MSRA: variants seen among roughly 807,000 people sequenced by gnomAD.
MSRA encodes methionine sulfoxide reductase A, also known as mitochondrial peptide methionine sulfoxide reductase.
Under a neutral mutation model 31.3 loss-of-function variants are expected in MSRA, and 54 were observed. That is an observed-to-expected ratio of 1.73 (90% CI 1.39 to 2.17). The LOEUF is 2.17. Ranked by LOEUF, MSRA falls within the 30% of genes most tolerant of loss-of-function variation. The probability of loss-of-function intolerance (pLI) is 0.00; values close to 1 mark genes in which losing one functional copy is unlikely to be tolerated. For synonymous variants in MSRA, 169 were observed against 116.5 expected, an observed-to-expected ratio of 1.45 and a Z score of -2.90; for missense variants, 507 against 300.9, an observed-to-expected ratio of 1.69 and a Z score of -5.07.
At chr8:10,322,788 G>A (rs558563225) in intron 5 of MSRA, among the ~76,000 whole-genome samples, 24 of 152,266 alleles carry the variant, frequency 1.6e-4, no homozygotes, top group Non-Finnish European at 3.2e-4. Flanking sequence ...CTTGGGAAAA[G>A]TAATGAGATA....
At chr8:10,301,434 A>C in intron 3 of MSRA, 100 bp from the exon 4 acceptor site, 2 of 814,786 alleles carry the variant, frequency 2.5e-6, no homozygotes, top group South Asian at 1.6e-5. Flanking sequence ...TTCACAGGGT[A>C]GAGTTTCAGC....
chr8:10,275,080 A>G (rs965622512), intron 3 of MSRA, among the ~76,000 whole-genome samples: 2 of 147,914 alleles, frequency 1.4e-5, no homozygotes, highest in African/African-American at 5.3e-5. Context: ...CAGTTTAGAT[A>G]TGAGAATAAT....
intron 5 of MSRA, among the ~76,000 whole-genome samples, chr8:10,356,907 A>T (rs1207391678): frequency 3.7e-5 from 5 of 134,308 alleles, no homozygotes; most frequent in African/African-American, 1.3e-4. Flanking sequence ...AAAAAAAAAA[A>T]AAATATATGT....
At chr8:10,305,409 C>CTCTTTTTTTTTT (rs1554520867) in intron 4 of MSRA, among the ~76,000 whole-genome samples, 2 of 122,968 alleles carry the variant, frequency 1.6e-5, no homozygotes, top group African/African-American at 6.1e-5. Context: ...TGTTTTCTTC[C>CTCTTTTTTTTTT]TTTTTTTTTT....
At chr8:10,109,348 T>G (rs1219803807) in intron 1 of MSRA, among the ~76,000 whole-genome samples, 2 of 152,036 alleles carry the variant, frequency 1.3e-5, no homozygotes, top group Non-Finnish European at 2.9e-5. Context: ...TTTTCTTTTT[T>G]TTTTTTATTT....
intron 5 of MSRA, among the ~76,000 whole-genome samples, chr8:10,396,813 G>A (rs547010178): frequency 2.6e-5 from 4 of 152,182 alleles, no homozygotes; most frequent in Non-Finnish European, 4.4e-5. Flanking sequence ...CAGTAAAGCC[G>A]ATGGTCTGGG....
intron 1 of MSRA, among the ~76,000 whole-genome samples, chr8:10,151,952 C>G (rs561861367): frequency 6.6e-6 from 1 of 152,294 alleles, no homozygotes; most frequent in African/African-American, 2.4e-5. Flanking sequence ...CCACCTGACC[C>G]TTATTTCCTT....
chr8:10,166,114 G>A (rs746819167), intron 1 of MSRA, among the ~76,000 whole-genome samples: 6 of 152,178 alleles, frequency 3.9e-5, no homozygotes, highest in Non-Finnish European at 8.8e-5. Flanking sequence ...GAGCAGCAGT[G>A]ATCCCAGCTT....
chr8:10,400,111 A>G (rs7816206), intron 5 of MSRA, among the ~76,000 whole-genome samples: 150,890 of 152,186 alleles, frequency 0.99, 74,816 homozygotes, highest in Middle Eastern at 1. Flanking sequence ...AACCATTGTC[A>G]TAGAAATGGA....
At chr8:10,250,526 T>C in intron 3 of MSRA, 1 of 697,128 alleles carries the variant, frequency 1.4e-6, no homozygotes, top group Non-Finnish European at 2.6e-6. Context: ...CTGCACAACT[T>C]TTCCTCGTAA....
In MSRA at chr8:10,256,500, C is replaced by G. The variant is rs1386105332; in HGVS notation, c.331+11277C>G. On this transcript the variant is annotated intron_variant, in intron 3 of 5. Transcript: ENST00000317173. ...CTCTGGAGTGGGGGAGGCCTGGAGG[C>G]CTGGGTTGAAATGAAGTTCTACCAG... Among the ~76,000 whole-genome samples the G allele has an allele frequency of 3.9e-5, 6 of 152,132 alleles. No individual in the cohort carries two copies. The East Asian group carries it at 1.2e-3, about 29-fold the overall frequency.
Position 10,319,933 on chromosome 8 carries a change from C to G in MSRA, c.487C>G (p.Pro163Ala). The change falls in exon 5 of 6, where the codon CCG becomes GCG. Residue 163 changes from proline (P) to alanine (A), a missense_variant. Coordinates refer to ENST00000317173, the MANE Select transcript of MSRA (RefSeq NM_012331.5). ...HGTQYRSAIY[P>A]TSAKQMEAAL... is the part of the protein sequence containing the mutation. ...CACTCAGTACCGCTCGGCCATCTACCCGACCTCTGCCAAGCAAATGGAGGC... is the reference window on the plus strand; with the variant it reads ...CACTCAGTACCGCTCGGCCATCTACGCGACCTCTGCCAAGCAAATGGAGGC... The G allele has an allele frequency of 3.1e-6, 5 of 1,601,492 alleles. No homozygotes were observed. Among genetic ancestry groups the G allele is most frequent in the Non-Finnish European group, 4.3e-6 (5 of 1,174,378 alleles).
intron 5 of MSRA, among the ~76,000 whole-genome samples, chr8:10,401,192 C>G (rs1807442192): frequency 6.6e-6 from 1 of 151,684 alleles, no homozygotes; most frequent in African/African-American, 2.4e-5. Flanking sequence ...TTTTTAAAAC[C>G]CATACAACTC....
intron 1 of MSRA, among the ~76,000 whole-genome samples, chr8:10,065,843 C>T (rs1051257003): frequency 2.0e-5 from 3 of 152,040 alleles, no homozygotes; most frequent in Non-Finnish European, 4.4e-5. Flanking sequence ...AGTCGCCCTG[C>T]TATCAGCCTC....
At chr8:10,396,839 G>A (rs558819876) in intron 5 of MSRA, among the ~76,000 whole-genome samples, 4 of 152,182 alleles carry the variant, frequency 2.6e-5, no homozygotes, top group Non-Finnish European at 5.9e-5. Flanking sequence ...GCCCTTACGC[G>A]AGATCTGTTG....
intron 5 of MSRA, among the ~76,000 whole-genome samples, chr8:10,364,055 C>T (rs565041323): frequency 6.6e-5 from 10 of 152,264 alleles, no homozygotes; most frequent in South Asian, 2.1e-4. Context: ...CCAGAGAAAA[C>T]GGTCCACACA....
intron 3 of MSRA, among the ~76,000 whole-genome samples, chr8:10,253,260 T>G (rs1311920165): frequency 3.9e-5 from 6 of 152,132 alleles, no homozygotes; most frequent in Non-Finnish European, 8.8e-5. Flanking sequence ...GGTGAGTGAA[T>G]TGGATGGTTT....
chr8:10,071,724 G>T (rs1797740769), intron 1 of MSRA, among the ~76,000 whole-genome samples: 1 of 152,136 alleles, frequency 6.6e-6, no homozygotes, highest in Non-Finnish European at 1.5e-5. Context: ...AGGTTCATTT[G>T]TGTCAAACAG....
intron 5 of MSRA, among the ~76,000 whole-genome samples, chr8:10,422,483 C>A (rs907530137): frequency 3.9e-5 from 6 of 152,198 alleles, no homozygotes; most frequent in African/African-American, 9.7e-5. Flanking sequence ...ACACAAATGA[C>A]CAATTCTGTT....
Sources: gnomAD v4.1 joint callset for allele counts (sites outside exome capture counted in the v4.1 genomes callset) on GRCh38, gnomAD v4.1.1 for gene constraint, MANE v1.5 for transcripts, NCBI Gene and HGNC (gene_info 2026-07-23, HGNC 2026-07-21) for gene names.